PLEKHG1: variants seen among roughly 807,000 people sequenced by gnomAD.
The protein encoded by PLEKHG1 is pleckstrin homology domain-containing family G member 1.
A neutral mutation model predicts 100.8 loss-of-function variants in PLEKHG1; 44 were observed. That is an observed-to-expected ratio of 0.44 (90% CI 0.34 to 0.56). The LOEUF (loss-of-function observed/expected upper bound fraction) is 0.56, where lower values mean the gene tolerates loss of function less well. Among genes scored for constraint, PLEKHG1 ranks in the 20% least tolerant of loss-of-function variants. The probability of loss-of-function intolerance (pLI) is 0.01; values close to 1 mark genes in which losing one functional copy is unlikely to be tolerated. For synonymous variants in PLEKHG1, 640 were observed against 662.5 expected (o/e 0.97, Z 0.52); for missense variants, 1,545 against 1,720.9 (o/e 0.90, Z 1.81).
intron 1 of PLEKHG1, among the ~76,000 whole-genome samples, chr6:150,631,476 G>GC (rs1181085687): frequency 1.3e-5 from 2 of 152,218 alleles, no homozygotes; most frequent in African/African-American, 4.8e-5. Flanking sequence ...CAGCATGACA[G>GC]CCACACCTTA....
At chr6:150,796,814 A>T (rs1396901113) in intron 5 of PLEKHG1, among the ~76,000 whole-genome samples, 1 of 152,108 alleles carries the variant, frequency 6.6e-6, no homozygotes, top group Admixed American at 6.5e-5. Flanking sequence ...TGCATAGCTG[A>T]TGAATGGCCC....
chr6:150,612,663 C>T (rs930817800), intron 1 of PLEKHG1, among the ~76,000 whole-genome samples: 5 of 152,068 alleles, frequency 3.3e-5, no homozygotes, highest in Admixed American at 6.6e-5. Flanking sequence ...CTTCTTCTAA[C>T]GGTTCAACCC....
At chr6:150,676,909 T>A (rs1779775129) in intron 3 of PLEKHG1, among the ~76,000 whole-genome samples, 1 of 151,724 alleles carries the variant, frequency 6.6e-6, no homozygotes, top group Non-Finnish European at 1.5e-5. Flanking sequence ...AGCCTTTCCC[T>A]CCCTCCTCCC....
intron 3 of PLEKHG1, among the ~76,000 whole-genome samples, chr6:150,697,422 G>A (rs565411529): frequency 2.6e-5 from 4 of 152,282 alleles, no homozygotes; most frequent in South Asian, 4.1e-4. Flanking sequence ...GGAGCTTAAG[G>A]CACTAGCCTT....
intron 3 of PLEKHG1, among the ~76,000 whole-genome samples, chr6:150,704,340 AAC>A (rs1780920104): frequency 2.0e-5 from 3 of 152,186 alleles, no homozygotes; most frequent in Non-Finnish European, 4.4e-5. Flanking sequence ...GCCCCCTCTG[AAC>A]TCAGAGACAA....
rs143830719 is a variant in PLEKHG1, at chr6:150,670,895, A to G, written c.-99+20109A>G. Among the ~76,000 whole-genome samples, 520 of 138,246 alleles carry G rather than the reference A, an allele frequency of 3.8e-3. 4 individuals are homozygous for G. Among genetic ancestry groups the G allele is most frequent in the African/African-American group, 0.014 (504 of 35,766 alleles). 90.7% of individuals were successfully genotyped at this position (138,246 alleles called of 152,430 possible). A position where few individuals can be genotyped will look rare whatever the true frequency, so the allele number is the denominator to read the frequency against. On this transcript the variant is annotated intron_variant, in intron 3 of 3. Coordinates refer to the PLEKHG1 transcript ENST00000367326. The stretch of plus-strand genomic sequence containing the variant: ...CCCCCCCCTCCCATTCTTTCCCCCA[A>G]GTCTCCAAAGTCCATTGTATCATTC...
intron 2 of PLEKHG1, among the ~76,000 whole-genome samples, chr6:150,746,437 G>A (rs1403852532): frequency 1.3e-5 from 2 of 152,144 alleles, no homozygotes; most frequent in Non-Finnish European, 2.9e-5. Flanking sequence ...AGAGTTCTAT[G>A]ATAGACCCTT....
intron 4 of PLEKHG1, among the ~76,000 whole-genome samples, chr6:150,792,651 G>A (rs961706307): frequency 1.3e-5 from 2 of 151,618 alleles, no homozygotes; most frequent in Non-Finnish European, 2.9e-5. Flanking sequence ...TCCAGCCTAG[G>A]TGACAGAGCA....
chr6:150,658,974 G>T (rs1779077594), intron 3 of PLEKHG1, among the ~76,000 whole-genome samples: 1 of 152,278 alleles, frequency 6.6e-6, no homozygotes, highest in East Asian at 1.9e-4. Flanking sequence ...CCTGAAGCTT[G>T]CAGAAATCTA....
upstream of PLEKHG1, among the ~76,000 whole-genome samples, chr6:150,718,658 C>G (rs1035859883): frequency 6.6e-6 from 1 of 151,962 alleles, no homozygotes; most frequent in African/African-American, 2.4e-5. Context: ...TTAGTAGAGA[C>G]GAGGTTTCAT....
chr6:150,726,014 A>G (rs1444197229), intron 1 of PLEKHG1, among the ~76,000 whole-genome samples: 1 of 152,212 alleles, frequency 6.6e-6, no homozygotes, highest in Non-Finnish European at 1.5e-5. Flanking sequence ...TGAACTGGAC[A>G]TAGAAGGGCA....
rs1341991808 is a variant in PLEKHG1 at position 150,819,577 on chromosome 6, T to C, written c.1313-102T>C. ...CAAGACTCTGTCTCAAAAATAATAA[T>C]AATAATAATAATAAATCCATATAAA... On this transcript the variant is annotated intron_variant, in intron 11 of 15. Transcript: ENST00000358517. 15 of 551,720 alleles carry C rather than the reference T, an allele frequency of 2.7e-5. No individual in the cohort carries two copies. In the Admixed American group the frequency reaches 4.2e-4, roughly 15 times the overall value. 34.2% of individuals were successfully genotyped at this position (551,720 alleles called of 1,614,324 possible).
chr6:150,770,389 T>C (rs550798802), intron 3 of PLEKHG1, among the ~76,000 whole-genome samples: 1 of 152,216 alleles, frequency 6.6e-6, no homozygotes, highest in Non-Finnish European at 1.5e-5. Context: ...GCCTAGGATG[T>C]AGGAAGTGTC....
chr6:150,626,532 A>G (rs1350357813), intron 1 of PLEKHG1, among the ~76,000 whole-genome samples: 1 of 152,054 alleles, frequency 6.6e-6, no homozygotes, highest in Non-Finnish European at 1.5e-5. Context: ...TGAAGGGTAA[A>G]TCTCCGGCCT....
At chr6:150,773,117 T>C (rs1784788007) in intron 3 of PLEKHG1, among the ~76,000 whole-genome samples, 1 of 152,244 alleles carries the variant, frequency 6.6e-6, no homozygotes, top group African/African-American at 2.4e-5. Context: ...TCTATTTTTT[T>C]CTAAAAGTCT....
intron 2 of PLEKHG1, among the ~76,000 whole-genome samples, chr6:150,643,641 C>T (rs1173844017): frequency 6.6e-6 from 1 of 152,158 alleles, no homozygotes; most frequent in African/African-American, 2.4e-5. Flanking sequence ...TTAAAAACTG[C>T]TTGATGTATG....
rs1305079221 is a variant in PLEKHG1 at position 150,831,255 on chromosome 6, C to T, written c.2144C>T (p.Ala715Val). ...GGCCACAGTAAGGGCTCTCTTTACG[C>T]ACAAACAGATGGCACCCTCTCAGGT... is the stretch of plus-strand genomic sequence containing the variant. The change falls in exon 15 of 16, where the codon GCA becomes GTA. Residue 715 changes from alanine to valine, a missense_variant. Coordinates refer to ENST00000358517, the Ensembl canonical transcript of PLEKHG1. This position sits in a 1 kb window ranked among gnomAD's most constrained non-coding sequence, Gnocchi z 4.1. The T allele has an allele frequency of 6.2e-7, 1 of 1,614,134 alleles. No individual in the cohort carries two copies. Among genetic ancestry groups the T allele is most frequent in the Non-Finnish European group, 8.5e-7 (1 of 1,180,020 alleles).
At chr6:150,790,621 G>A (rs1785916011) in intron 4 of PLEKHG1, among the ~76,000 whole-genome samples, 1 of 152,152 alleles carries the variant, frequency 6.6e-6, no homozygotes, top group South Asian at 2.1e-4. Flanking sequence ...TTGCAGTAAT[G>A]TTTGTTACTG....
chr6:150,689,553 T>C (rs985657928), intron 3 of PLEKHG1, among the ~76,000 whole-genome samples: 10 of 152,224 alleles, frequency 6.6e-5, no homozygotes, highest in Non-Finnish European at 1.5e-4. Flanking sequence ...CTTAAGGTTT[T>C]ACTTTTATGT....
Sources: gnomAD v4.1 joint callset for allele counts (sites outside exome capture counted in the v4.1 genomes callset) on GRCh38, gnomAD v4.1.1 for gene constraint, Gnocchi (gnomAD v3.1) non-coding constraint, MANE v1.5 for transcripts, NCBI Gene and HGNC (gene_info 2026-07-23, HGNC 2026-07-21) for gene names.